DENND1A: variants seen among roughly 807,000 people sequenced by gnomAD.
The protein encoded by DENND1A is DENN domain-containing protein 1A.
In DENND1A, 51 loss-of-function variants were observed where a neutral mutation model predicts 113.7. The observed-to-expected ratio is 0.45, with a 90% CI of 0.36 to 0.57. DENND1A has a LOEUF of 0.57. DENND1A is among the 20% of genes least tolerant of loss of function. The probability of loss-of-function intolerance (pLI) is 0.00; values close to 1 mark genes in which losing one functional copy is unlikely to be tolerated. For synonymous variants in DENND1A, 565 were observed against 570.8 expected, an observed-to-expected ratio of 0.99 and a Z score of 0.14; for missense variants, 1,258 against 1,395.9, an observed-to-expected ratio of 0.90 and a Z score of 1.57.
At chr9:123,897,997 C>T (rs1042837940) in intron 1 of DENND1A, among the ~76,000 whole-genome samples, 3 of 150,932 alleles carry the variant, frequency 2.0e-5, no homozygotes, top group African/African-American at 7.3e-5. Flanking sequence ...ATACATACAT[C>T]CTAGTCAACA....
chr9:123,449,460 G>A (rs993819517), intron 18 of DENND1A, among the ~76,000 whole-genome samples: 2 of 151,796 alleles, frequency 1.3e-5, no homozygotes, highest in Non-Finnish European at 2.9e-5. Flanking sequence ...ACTTGAACCC[G>A]GGAGGTGGAG....
chr9:123,545,379 C>T (rs2056593435), intron 13 of DENND1A, among the ~76,000 whole-genome samples: 1 of 152,080 alleles, frequency 6.6e-6, no homozygotes, highest in African/African-American at 2.4e-5. Context: ...CTCTAATCAT[C>T]ACAGATATCA....
chr9:123,630,161 C>T lies in DENND1A; in HGVS notation c.719+215G>A, dbSNP rs117147332. Reference sequence around the variant, plus strand: ...GCTCAAATGATCCTACCAACTCAGCCTCCTGAGTAGCTGGGACTACAGATA... The same window carrying T: ...GCTCAAATGATCCTACCAACTCAGCTTCCTGAGTAGCTGGGACTACAGATA... On this transcript the variant is annotated intron_variant, in intron 10 of 23. Transcript: ENST00000394215. Among the ~76,000 whole-genome samples, 15 of 151,328 alleles carry T rather than the reference C, an allele frequency of 9.9e-5. No individual in the cohort carries two copies. The East Asian group carries it at 2.9e-3, about 29-fold the overall frequency.
At chr9:123,697,677 C>A (rs2065613344) in intron 5 of DENND1A, among the ~76,000 whole-genome samples, 1 of 152,152 alleles carries the variant, frequency 6.6e-6, no homozygotes, top group South Asian at 2.1e-4. Flanking sequence ...AGTCTCCCTC[C>A]TCCTTCCTTC....
At chr9:123,541,989 A>G (rs926487987) in intron 13 of DENND1A, among the ~76,000 whole-genome samples, 43 of 152,292 alleles carry the variant, frequency 2.8e-4, no homozygotes, top group African/African-American at 8.9e-4. Flanking sequence ...TCCAACACTC[A>G]AATATTCCAT....
chr9:123,439,353 T>C (rs1037335460), intron 19 of DENND1A, among the ~76,000 whole-genome samples: 8 of 152,240 alleles, frequency 5.3e-5, no homozygotes, highest in Non-Finnish European at 1.0e-4. Flanking sequence ...GAGTGACTTT[T>C]ATGTTCCAAC....
At chr9:123,918,413 G>A (rs888055661) in intron 1 of DENND1A, among the ~76,000 whole-genome samples, 123 of 151,670 alleles carry the variant, frequency 8.1e-4, no homozygotes, top group African/African-American at 2.9e-3. Flanking sequence ...GCGTGAACCC[G>A]GGAGGCGGAG....
chr9:123,836,614 C>A (rs1477006910), intron 2 of DENND1A, among the ~76,000 whole-genome samples: 2 of 152,028 alleles, frequency 1.3e-5, no homozygotes, highest in Non-Finnish European at 2.9e-5. Flanking sequence ...TTTTTCATAT[C>A]TCATATTAGA....
At chr9:123,787,804 A>G (rs1832411501) in intron 3 of DENND1A, among the ~76,000 whole-genome samples, 2 of 152,162 alleles carry the variant, frequency 1.3e-5, no homozygotes, top group African/African-American at 4.8e-5. Context: ...ATTTTTCCCA[A>G]TGTGCCATGT....
At chr9:123,682,288 T>C (rs749751943) in intron 5 of DENND1A, among the ~76,000 whole-genome samples, 4 of 152,230 alleles carry the variant, frequency 2.6e-5, no homozygotes, top group Non-Finnish European at 5.9e-5. Context: ...GAATAGATGA[T>C]ACAATGAAGC....
chr9:123,498,109 T>A (rs995077305), intron 13 of DENND1A, among the ~76,000 whole-genome samples: 2 of 152,218 alleles, frequency 1.3e-5, no homozygotes, highest in Non-Finnish European at 2.9e-5. Flanking sequence ...CTTAAATATG[T>A]AAAGCCTTGG....
chr9:123,736,416 A>G (rs2068569905), intron 5 of DENND1A: 1 of 152,186 alleles, frequency 6.6e-6, no homozygotes, highest in Non-Finnish European at 1.5e-5. Flanking sequence ...GTCACAAGGA[A>G]AAAGTCCCTT....
At chr9:123,524,845 G>T (rs1564649490) in intron 13 of DENND1A, among the ~76,000 whole-genome samples, 1 of 152,176 alleles carries the variant, frequency 6.6e-6, no homozygotes, top group Non-Finnish European at 1.5e-5. Context: ...ACAGCAACTG[G>T]GGAATATAAC....
At chr9:123,451,917 G>A (rs761596364) in intron 17 of DENND1A, among the ~76,000 whole-genome samples, 5 of 152,072 alleles carry the variant, frequency 3.3e-5, no homozygotes, top group Non-Finnish European at 7.4e-5. Flanking sequence ...TCATCGCTTG[G>A]CTGGGTGCAG....
At chr9:123,414,844 C>T (rs183975420) in intron 19 of DENND1A, among the ~76,000 whole-genome samples, 2 of 152,284 alleles carry the variant, frequency 1.3e-5, no homozygotes. Flanking sequence ...CACAGCACAC[C>T]GGCTGTCGTT....
rs146810972 is a variant in DENND1A at position 123,606,295 on chromosome 9, G to A, written c.765+3141C>T. Reference sequence around the variant, plus strand: ...GTGTCTTGGCTGGTTTCAAGAGTGGGACAACTCCCATTTTTGTTTTTATTT... The same window carrying A: ...GTGTCTTGGCTGGTTTCAAGAGTGGAACAACTCCCATTTTTGTTTTTATTT... On this transcript the variant is annotated intron_variant, in intron 11 of 23. Coordinates refer to ENST00000394215, the MANE Select transcript of DENND1A (RefSeq NM_001352964.2). Among the ~76,000 whole-genome samples, 351 of 152,266 alleles carry A rather than the reference G, an allele frequency of 2.3e-3. 2 individuals are homozygous for A. Among genetic ancestry groups the A allele is most frequent in the African/African-American group, 8.0e-3 (334 of 41,542 alleles).
chr9:123,728,642 A>G (rs1266200432), intron 5 of DENND1A, among the ~76,000 whole-genome samples: 1 of 152,186 alleles, frequency 6.6e-6, no homozygotes, highest in East Asian at 1.9e-4. Flanking sequence ...AAAAGCAAAG[A>G]AACTAGAATA....
chr9:123,430,687 C>T (rs1015421890), intron 19 of DENND1A, among the ~76,000 whole-genome samples: 3 of 152,160 alleles, frequency 2.0e-5, no homozygotes, highest in East Asian at 1.9e-4. Context: ...GGTGGGGAGG[C>T]GAGCCAGAGC....
At position 123,919,340 on chromosome 9, in the gene DENND1A, C is replaced by T. The variant is rs532173038; in HGVS notation, c.17+10549G>A. On this transcript the variant is annotated intron_variant, in intron 1 of 23. Transcript: ENST00000394215. Reference sequence around the variant, plus strand: ...CACAAAAATTAGCTGGGCATGGTGGCGCACACCTGTAATCCCAGCTACTGG... The same window carrying T: ...CACAAAAATTAGCTGGGCATGGTGGTGCACACCTGTAATCCCAGCTACTGG... Among the ~76,000 whole-genome samples the T allele has an allele frequency of 2.3e-3, 346 of 151,300 alleles. 4 individuals carry two copies. The highest frequency in any genetic ancestry group is 7.8e-3 in the African/African-American group (320 of 41,234).
Sources: allele counts gnomAD v4.1 joint callset (sites outside exome capture counted in the v4.1 genomes callset), GRCh38; gene constraint gnomAD v4.1.1; transcripts MANE v1.5; gene names NCBI Gene and HGNC (gene_info 2026-07-23, HGNC 2026-07-21).